The following ZG16 variants were observed in gnomAD, a reference collection of about 807,000 sequenced individuals.
The protein encoded by ZG16 is zymogen granule membrane protein 16.
In ZG16, 9 loss-of-function variants were observed where a neutral mutation model predicts 15.6. The ratio of observed to expected loss-of-function variants is 0.58; its 90% CI spans 0.35 to 1.00. The LOEUF (loss-of-function observed/expected upper bound fraction) is 1.00, where lower values mean the gene tolerates loss of function less well. ZG16 is among the 50% of genes least tolerant of loss of function. The pLI is 0.02. For synonymous variants in ZG16, 89 were observed against 87.4 expected (o/e 1.02, Z -0.10); for missense variants, 174 against 214.8 (o/e 0.81, Z 1.19).
Position 29,778,287 on chromosome 16 carries a change from T to C in ZG16, c.-27T>C, listed in dbSNP as rs1381157406. Reference sequence around the variant, plus strand: ...CATCTGGAAGTTTCCAGGGGGCTGCTTTGCATCTGAAACTGTCAGGTGAGG... The same window carrying C: ...CATCTGGAAGTTTCCAGGGGGCTGCCTTGCATCTGAAACTGTCAGGTGAGG... On this transcript the variant is annotated 5_prime_UTR_variant, in exon 1 of 4. Coordinates refer to ENST00000400752, the MANE Select transcript of ZG16 (RefSeq NM_152338.4). 6.6e-6 allele frequency: 1 copy of C among 152,154 alleles called. No individual in the cohort carries two copies. The highest frequency in any genetic ancestry group is 2.4e-5 in the African/African-American group (1 of 41,412). The allele number at this position is 152,154 out of a possible 1,614,324, so 9.4% of individuals were successfully genotyped here.
In ZG16 at chr16:29,779,369, C is replaced by T. The variant is rs561724213; in HGVS notation, c.55+48C>T. ...GGTATTGGGGACTTGGGAAGGCAGC[C>T]TTGGGCACTGCTGTTGGCCAAGGCT... On this transcript the variant is annotated intron_variant, in intron 2 of 3. Coordinates refer to ENST00000400752, the MANE Select transcript of ZG16 (RefSeq NM_152338.4). 4 of 1,536,194 alleles carry T rather than the reference C, an allele frequency of 2.6e-6. No homozygotes were observed. The African/African-American group carries it at 5.5e-5, about 21-fold the overall frequency.
At position 29,780,477 on chromosome 16, in the gene ZG16, C is replaced by G. The variant is rs1486728563; in HGVS notation, c.*58C>G. 10 of 1,361,422 alleles carry G rather than the reference C, an allele frequency of 7.3e-6. No individual in the cohort carries two copies. The Admixed American group carries it at 1.2e-4, about 16-fold the overall frequency. The allele number at this position is 1,361,422 out of a possible 1,614,324, so 84.3% of individuals were successfully genotyped here. A position where few individuals can be genotyped will look rare whatever the true frequency, so the allele number is the denominator to read the frequency against. On this transcript the variant is annotated 3_prime_UTR_variant, in exon 4 of 4. Transcript: ENST00000400752. ...GGAGTAAGAACTCCCTTATCACTAACCCCCATCCAAATGGCTCAATAAAAA... is the reference window on the plus strand; with the variant it reads ...GGAGTAAGAACTCCCTTATCACTAAGCCCCATCCAAATGGCTCAATAAAAA...
Position 29,780,155 on chromosome 16 carries a change from C to G in ZG16, c.240C>G (p.Asn80Lys), listed in dbSNP as rs149294100. 2.0e-6 allele frequency: 3 copies of G among 1,537,150 alleles called. No individual in the cohort carries two copies. The highest frequency in any genetic ancestry group is 2.7e-5 in the African/African-American group (2 of 73,066). The change falls in exon 4 of 4, where the codon AAC becomes AAG. Residue 80 changes from asparagine to lysine, a missense_variant. Coordinates refer to ENST00000400752, the MANE Select transcript of ZG16 (RefSeq NM_152338.4). ...GGAGCGACTATGTGGGTGGTCGCAACGGAGACCTGGAGGAGATCTTTCTGC... is the reference window on the plus strand; with the variant it reads ...GGAGCGACTATGTGGGTGGTCGCAAGGGAGACCTGGAGGAGATCTTTCTGC... ...KVWSDYVGGR[N>K]GDLEEIFLHP...
intron 1 of ZG16, among the ~76,000 whole-genome samples, chr16:29,778,782 C>T (rs1159639179): frequency 6.6e-6 from 1 of 152,146 alleles, no homozygotes; most frequent in Non-Finnish European, 1.5e-5. Context: ...GGCCAATTCA[C>T]CACAGATGAT....
chr16:29,779,669 G>A (rs949212905), intron 3 of ZG16, 32 bp downstream of exon 3: 3 of 1,536,082 alleles, frequency 2.0e-6, no homozygotes, highest in Admixed American at 2.0e-5. Flanking sequence ...GCTGGGCGCG[G>A]TGGCTCACAT....
At chr16:29,779,728 G>C in intron 3 of ZG16, 91 bp downstream of exon 3, 1 of 1,448,380 alleles carries the variant, frequency 6.9e-7, no homozygotes. Context: ...TTGAGGCCAG[G>C]AGTTCTAGCT....
chr16:29,780,305 C>G lies in ZG16; in HGVS notation c.390C>G (p.Ala130=), dbSNP rs763309288. 7.8e-6 allele frequency: 12 copies of G among 1,537,388 alleles called. No individual in the cohort carries two copies. The South Asian group carries it at 1.3e-4, about 17-fold the overall frequency. The change falls in exon 4 of 4, where the codon GCC becomes GCG. Residue 130 remains alanine (A), a synonymous_variant. Transcript: ENST00000400752. The part of the protein sequence containing the change: ...FGKDSGTSFN[A]VPLHPNTVLR... ...AAGACAGTGGCACAAGTTTCAATGC[C>G]GTCCCCTTGCACCCCAACACCGTGC... is the stretch of plus-strand genomic sequence containing the variant.
Position 29,778,324 on chromosome 16 carries a change from T to G in ZG16, c.-8+18T>G, listed in dbSNP as rs1898578349. 6.6e-6 allele frequency: 1 copy of G among 152,164 alleles called. No individual in the cohort carries two copies. The highest frequency in any genetic ancestry group is 2.4e-5 in the African/African-American group (1 of 41,400). The allele number at this position is 152,164 out of a possible 1,614,324, so 9.4% of individuals were successfully genotyped here. A position where few individuals can be genotyped will look rare whatever the true frequency, so the allele number is the denominator to read the frequency against. ...ACTGTCAGGTGAGGGGTGACAGAGATGCCTGAATCTGAGTTGGGGGGGAAT... is the reference window on the plus strand; with the variant it reads ...ACTGTCAGGTGAGGGGTGACAGAGAGGCCTGAATCTGAGTTGGGGGGGAAT... On this transcript the variant is annotated intron_variant, in intron 1 of 3. Transcript: ENST00000400752.
At position 29,780,520 on chromosome 16, in the gene ZG16, G is replaced by C. The variant is rs762923362; in HGVS notation, c.*101G>C. 5.4e-6 allele frequency: 6 copies of C among 1,105,128 alleles called. No homozygotes were observed. Among genetic ancestry groups the C allele is most frequent in the Non-Finnish European group, 7.5e-6 (6 of 795,314 alleles). 68.5% of individuals were successfully genotyped at this position (1,105,128 alleles called of 1,614,324 possible). A position where few individuals can be genotyped will look rare whatever the true frequency, so the allele number is the denominator to read the frequency against. On this transcript the variant is annotated 3_prime_UTR_variant, in exon 4 of 4. Transcript: ENST00000400752. ...AATAAAAAAAATATGGTTAAGGCTA[G>C]TCTGTGTGGGGGCATCTGTGGCTGG...
At position 29,780,202 on chromosome 16, in the gene ZG16, A is replaced by G. The variant is rs1391357092; in HGVS notation, c.287A>G (p.Gln96Arg). 6.5e-7 allele frequency: 1 copy of G among 1,537,286 alleles called. No homozygotes were observed. Among genetic ancestry groups the G allele is most frequent in the African/African-American group, 1.4e-5 (1 of 73,020 alleles). The change falls in exon 4 of 4, where the codon CAG becomes CGG. Residue 96 changes from glutamine to arginine, a missense_variant. Gln to Arg is a conservative substitution (Grantham distance 43). Transcript: ENST00000400752. ...IFLHPGESVI[Q>R]VSGKYKWYLK... Reference sequence around the variant, plus strand: ...CTGCACCCTGGGGAATCAGTGATCCAGGTTTCTGGGAAGTACAAGTGGTAC... The same window carrying G: ...CTGCACCCTGGGGAATCAGTGATCCGGGTTTCTGGGAAGTACAAGTGGTAC...
Position 29,780,399 on chromosome 16 carries a change from A to C in ZG16, c.484A>C (p.Ser162Arg). The change falls in exon 4 of 4, where the codon AGT (serine) becomes CGT (arginine). Residue 162 changes from serine (S) to arginine (R), a missense_variant. Coordinates refer to ENST00000400752, the MANE Select transcript of ZG16 (RefSeq NM_152338.4). ...AIGLHWDVYP[S>R]SCSRC ...TGGCCTGCACTGGGATGTTTACCCCAGTAGCTGCAGCAGATGCTGAGCCTC... is the reference window on the plus strand; with the variant it reads ...TGGCCTGCACTGGGATGTTTACCCCCGTAGCTGCAGCAGATGCTGAGCCTC... 1 of 1,532,514 alleles carries C rather than the reference A, an allele frequency of 6.5e-7. No homozygotes were observed. The highest frequency in any genetic ancestry group is 1.2e-5 in the South Asian group (1 of 83,932). The allele number at this position is 1,532,514 out of a possible 1,614,324, so 94.9% of individuals were successfully genotyped here. A position where few individuals can be genotyped will look rare whatever the true frequency, so the allele number is the denominator to read the frequency against.
chr16:29,779,668 G>A lies in ZG16; in HGVS notation c.188+31G>A, dbSNP rs369453999. On this transcript the variant is annotated intron_variant, in intron 3 of 3. Transcript: ENST00000400752. ...ATTCTTTGAATTCCTGGCTGGGCGC[G>A]GTGGCTCACATCTGTCATTACAATG... 265 of 1,535,814 alleles carry A rather than the reference G, an allele frequency of 1.7e-4. 1 individual carries two copies. The highest frequency in any genetic ancestry group is 2.7e-4 in the East Asian group (11 of 40,898).
chr16:29,780,173 C>T lies in ZG16; in HGVS notation c.258C>T (p.Ile86=). Residue 86 remains isoleucine (I), a synonymous_variant, in exon 4 of 4, where the codon ATC becomes ATT. Coordinates refer to ENST00000400752, the MANE Select transcript of ZG16 (RefSeq NM_152338.4). The part of the protein sequence containing the change: ...VGGRNGDLEE[I]FLHPGESVIQ... ...GTCGCAACGGAGACCTGGAGGAGAT[C>T]TTTCTGCACCCTGGGGAATCAGTGA... 1.3e-6 allele frequency: 2 copies of T among 1,537,328 alleles called. No individual in the cohort carries two copies. The highest frequency in any genetic ancestry group is 1.7e-6 in the Non-Finnish European group (2 of 1,146,908).
In ZG16 at chr16:29,780,693, G is replaced by C; in HGVS notation, c.*274G>C. On this transcript the variant is annotated 3_prime_UTR_variant, in exon 4 of 4. Coordinates refer to ENST00000400752, the MANE Select transcript of ZG16 (RefSeq NM_152338.4). The stretch of plus-strand genomic sequence containing the variant: ...ATTTATCAAGAGGAGATGAGATTCT[G>C]GCTTGCATCAACGCTCTTCAAGGAC... The C allele has an allele frequency of 2.5e-6, 1 of 396,168 alleles. No individual in the cohort carries two copies. The highest frequency in any genetic ancestry group is 4.0e-5 in the South Asian group (1 of 25,030). 24.5% of individuals were successfully genotyped at this position (396,168 alleles called of 1,614,324 possible). A position where few individuals can be genotyped will look rare whatever the true frequency, so the allele number is the denominator to read the frequency against.
rs1898631248 is a variant in ZG16 at position 29,782,210 on chromosome 16, C to A, written c.*1791C>A. Reference sequence around the variant, plus strand: ...CACGGAGCCCCAGCCTCCTCTATGGCAGGGGCCCTGTGGTGGGGAATGAGG... The same window carrying A: ...CACGGAGCCCCAGCCTCCTCTATGGAAGGGGCCCTGTGGTGGGGAATGAGG... On this transcript the variant is annotated 3_prime_UTR_variant, in exon 4 of 4. Transcript: ENST00000400752. 1 of 152,242 alleles carries A rather than the reference C, an allele frequency of 6.6e-6. No individual in the cohort carries two copies. Among genetic ancestry groups the A allele is most frequent in the Non-Finnish European group, 1.5e-5 (1 of 68,050 alleles). The allele number at this position is 152,242 out of a possible 1,614,324, so 9.4% of individuals were successfully genotyped here. A position where few individuals can be genotyped will look rare whatever the true frequency, so the allele number is the denominator to read the frequency against.
At chr16:29,778,735 A>G (rs1019835123) in intron 1 of ZG16, among the ~76,000 whole-genome samples, 2 of 152,176 alleles carry the variant, frequency 1.3e-5, no homozygotes, top group African/African-American at 2.4e-5. Context: ...GGTGGATGCC[A>G]GGGATTTAAA....
At position 29,780,273 on chromosome 16, in the gene ZG16, T is replaced by G. The variant is rs1166585134; in HGVS notation, c.358T>G (p.Phe120Val). ...GACAGACAAGGGCCGCTATCTGTCT[T>G]TTGGGAAAGACAGTGGCACAAGTTT... ...FVTDKGRYLS[F>V]GKDSGTSFNA... is the part of the protein sequence containing the mutation. Residue 120 changes from phenylalanine (F) to valine (V), a missense_variant, in exon 4 of 4, where the codon TTT becomes GTT. Physicochemically the swap from Phe to Val is conservative, Grantham distance 50. Transcript: ENST00000400752. 6.5e-7 allele frequency: 1 copy of G among 1,537,470 alleles called. No individual in the cohort carries two copies. The highest frequency in any genetic ancestry group is 8.7e-7 in the Non-Finnish European group (1 of 1,146,960).
rs911135190 is a variant in ZG16 at position 29,781,425 on chromosome 16, A to G, written c.*1006A>G. The G allele has an allele frequency of 3.3e-5, 5 of 152,222 alleles. No individual in the cohort carries two copies. Among genetic ancestry groups the G allele is most frequent in the African/African-American group, 1.2e-4 (5 of 41,446 alleles). 9.4% of individuals were successfully genotyped at this position (152,222 alleles called of 1,614,324 possible). A position where few individuals can be genotyped will look rare whatever the true frequency, so the allele number is the denominator to read the frequency against. On this transcript the variant is annotated 3_prime_UTR_variant, in exon 4 of 4. Transcript: ENST00000400752. ...AGAGGATGGTTATGTAGTTGGGGAA[A>G]GAAATTTTAAGAAGGGAAGAAAATT...
At chr16:29,779,418 G>A (rs983946417) in intron 2 of ZG16, 87 bp from the exon 3 acceptor site, 2 of 1,534,898 alleles carry the variant, frequency 1.3e-6, no homozygotes, top group African/African-American at 1.4e-5. Flanking sequence ...TTGGGGTGGG[G>A]AGCTGAGTTG....
Sources: gnomAD v4.1 joint callset for allele counts (sites outside exome capture counted in the v4.1 genomes callset) on GRCh38, gnomAD v4.1.1 for gene constraint, MANE v1.5 for transcripts, NCBI Gene and HGNC (gene_info 2026-07-23, HGNC 2026-07-21) for gene names.